DNAI7: variants seen among roughly 807,000 people sequenced by gnomAD.
DNAI7 encodes dynein axonemal intermediate chain 7, also known as cancer susceptibility 1.
Under a neutral mutation model 86.6 loss-of-function variants are expected in DNAI7, and 78 were observed. The ratio of observed to expected loss-of-function variants is 0.90; its 90% confidence interval spans 0.75 to 1.09. The LOEUF (loss-of-function observed/expected upper bound fraction) is 1.09, where lower values mean the gene tolerates loss of function less well. Among genes scored for constraint, DNAI7 ranks in the 50% least tolerant of loss-of-function variants. DNAI7 has a pLI of 0.00. For missense variants in DNAI7, 753 were observed against 810.2 expected (o/e 0.93, Z 0.86); for synonymous variants, 274 against 273.0 (o/e 1.00, Z -0.04).
downstream of DNAI7, among the ~76,000 whole-genome samples, chr12:25,107,268 T>C (rs906067806): frequency 6.6e-6 from 1 of 152,204 alleles, no homozygotes; most frequent in Non-Finnish European, 1.5e-5. Context: ...ATATATGTTA[T>C]ATTCTATTTT....
intron 9 of DNAI7, 84 bp downstream of exon 9, chr12:25,144,281 G>A: frequency 8.5e-7 from 1 of 1,182,976 alleles, no homozygotes. Context: ...CAGTTGTTTA[G>A]GAAAAATCTT....
chr12:25,144,612 C>T lies in DNAI7; in HGVS notation c.755G>A (p.Ser252Asn). 1 of 1,614,024 alleles carries T rather than the reference C, an allele frequency of 6.2e-7. No homozygotes were observed. The highest frequency in any genetic ancestry group is 8.5e-7 in the Non-Finnish European group (1 of 1,179,944). ...ATGCAGGAGTCGTACAGCAATGTCA[C>T]TTGTTGCTAATATCCTTGGAATCTC... ...GFEIPRILATSDIAVRLLHTH... is the reference protein window; with the variant it reads ...GFEIPRILATNDIAVRLLHTH... Residue 252 changes from serine (S) to asparagine (N), a missense_variant, in exon 9 of 16, where the codon AGT (serine) becomes AAT (asparagine). Coordinates refer to ENST00000395987, the MANE Select transcript of DNAI7 (RefSeq NM_018272.5).
intron 2 of DNAI7, among the ~76,000 whole-genome samples, chr12:25,179,186 T>C (rs982381585): frequency 9.9e-5 from 15 of 152,162 alleles, no homozygotes; most frequent in Admixed American, 9.8e-4. Flanking sequence ...TACCTTCCTG[T>C]TTGCTACTGA....
chr12:25,132,320 G>C (rs563219567), intron 9 of DNAI7, among the ~76,000 whole-genome samples: 1 of 152,104 alleles, frequency 6.6e-6, no homozygotes, highest in Non-Finnish European at 1.5e-5. Flanking sequence ...CTTTGGTAAA[G>C]AGGCCTCTAG....
chr12:25,171,608 C>T (rs1206378855), intron 2 of DNAI7, among the ~76,000 whole-genome samples: 1 of 152,150 alleles, frequency 6.6e-6, no homozygotes, highest in Admixed American at 6.5e-5. Context: ...GGAACCCTCC[C>T]TAATTCATTC....
chr12:25,134,396 G>A (rs574591218), intron 9 of DNAI7, among the ~76,000 whole-genome samples: 4 of 114,358 alleles, frequency 3.5e-5, no homozygotes, highest in Middle Eastern at 9.6e-3. Context: ...TCACTCTGTC[G>A]CCCAGGCTAG....
At position 25,162,270 on chromosome 12, in the gene DNAI7, GGA is replaced by G. The variant is rs1946915311; in HGVS notation, c.22-1075_22-1074del. On this transcript the variant is annotated intron_variant, in intron 2 of 15. Transcript: ENST00000395987. ...AAATTGGAGGCAAGGAGAGGAAAGA[GGA>G]GAGAGTCTCACAGAGGGAGAATGGC... 2.0e-5 allele frequency among the ~76,000 whole-genome samples: 3 copies of G among 152,160 alleles called. No homozygotes were observed. In the South Asian group the frequency reaches 6.2e-4, roughly 32 times the overall value.
At chr12:25,178,433 T>A (rs975495279) in intron 2 of DNAI7, among the ~76,000 whole-genome samples, 1 of 152,158 alleles carries the variant, frequency 6.6e-6, no homozygotes, top group Non-Finnish European at 1.5e-5. Flanking sequence ...GTCTCCCTTT[T>A]CATTCTTAAT....
chr12:25,111,803 T>G lies in DNAI7; in HGVS notation c.1748A>C (p.His583Pro). 2 of 1,591,306 alleles carry G rather than the reference T, an allele frequency of 1.3e-6. No individual in the cohort carries two copies. Among genetic ancestry groups the G allele is most frequent in the Non-Finnish European group, 1.7e-6 (2 of 1,171,678 alleles). Residue 583 changes from histidine (H) to proline (P), a missense_variant, in exon 14 of 16, where the codon CAC (histidine) becomes CCC (proline). His to Pro is a moderately conservative substitution (Grantham distance 77). Transcript: ENST00000395987. Reference protein sequence around the residue: ...EAGLNIFPTRHSHFYVIINNK... With the variant: ...EAGLNIFPTRPSHFYVIINNK... ...GTTTATAATAACATAAAAATGAGAG[T>G]GTCTAGTAGGAAAGATATTCAGTCC...
chr12:25,118,963 A>G (rs1412141980), intron 12 of DNAI7, among the ~76,000 whole-genome samples, 182 bp downstream of exon 12: 3 of 152,232 alleles, frequency 2.0e-5, no homozygotes, highest in South Asian at 2.1e-4. Flanking sequence ...TAGTTACAAC[A>G]CTCAGCAAAT....
chr12:25,165,203 C>A (rs948196177), intron 2 of DNAI7, among the ~76,000 whole-genome samples: 1 of 152,174 alleles, frequency 6.6e-6, no homozygotes, highest in African/African-American at 2.4e-5. Flanking sequence ...AAATTAAATT[C>A]CAGCCCTCAA....
intron 2 of DNAI7, among the ~76,000 whole-genome samples, chr12:25,178,864 C>T (rs76254286): frequency 1.1e-3 from 173 of 152,012 alleles, no homozygotes; most frequent in African/African-American, 4.0e-3. Context: ...CTATTAATGT[C>T]CATATTTGTT....
chr12:25,143,957 T>G (rs1034306717), intron 9 of DNAI7, among the ~76,000 whole-genome samples: 5 of 152,180 alleles, frequency 3.3e-5, no homozygotes, highest in Admixed American at 2.6e-4. Flanking sequence ...AGAAAATTAA[T>G]TTTTACTTTA....
chr12:25,148,072 A>G (rs150702710), intron 7 of DNAI7, among the ~76,000 whole-genome samples: 36 of 152,032 alleles, frequency 2.4e-4, no homozygotes, highest in Non-Finnish European at 1.2e-4. Context: ...TGAAGATTAT[A>G]TTTATTATTA....
At chr12:25,171,343 A>G (rs1006002457) in intron 2 of DNAI7, among the ~76,000 whole-genome samples, 6 of 152,202 alleles carry the variant, frequency 3.9e-5, no homozygotes, top group Admixed American at 3.9e-4. Flanking sequence ...TACTATGAAC[A>G]CCTTTATGCG....
chr12:25,128,507 T>C (rs1942443877), intron 9 of DNAI7, among the ~76,000 whole-genome samples: 1 of 152,164 alleles, frequency 6.6e-6, no homozygotes, highest in South Asian at 2.1e-4. Flanking sequence ...AACATGTACG[T>C]AGCAGCTGTG....
At chr12:25,118,642 A>C (rs1940678532) in intron 12 of DNAI7, among the ~76,000 whole-genome samples, 1 of 151,410 alleles carries the variant, frequency 6.6e-6, no homozygotes, top group Non-Finnish European at 1.5e-5. Context: ...GTTCATGGCA[A>C]CCTCCACCTC....
At chr12:25,174,112 T>C (rs1176062536) in intron 2 of DNAI7, among the ~76,000 whole-genome samples, 2 of 148,450 alleles carry the variant, frequency 1.3e-5, no homozygotes, top group African/African-American at 4.9e-5. Context: ...TTCATGTCCT[T>C]AGCCCACTTT....
intron 1 of DNAI7, among the ~76,000 whole-genome samples, chr12:25,193,801 G>C (rs569512609): frequency 6.8e-6 from 1 of 147,256 alleles, no homozygotes; most frequent in Non-Finnish European, 1.5e-5. Flanking sequence ...CGCCAGGAAT[G>C]CTCTCCACTC....
Sources: gnomAD v4.1 joint callset for allele counts (sites outside exome capture counted in the v4.1 genomes callset) on GRCh38, gnomAD v4.1.1 for gene constraint, MANE v1.5 for transcripts, NCBI Gene and HGNC (gene_info 2026-07-23, HGNC 2026-07-21) for gene names.